The following IQCF2 variants were observed in gnomAD, a reference collection of about 807,000 sequenced individuals.
IQCF2 encodes IQ motif containing F2.
A neutral mutation model predicts 7.0 loss-of-function variants in IQCF2; 6 were observed. That is an observed-to-expected ratio of 0.86 (90% CI 0.47 to 1.70). The LOEUF (loss-of-function observed/expected upper bound fraction) is 1.70. Ranked by LOEUF, IQCF2 falls within the 40% of genes most tolerant of loss-of-function variation. The pLI, the probability that IQCF2 is intolerant of heterozygous loss-of-function variation, is 0.01. For synonymous variants in IQCF2, 67 were observed against 74.0 expected, an observed-to-expected ratio of 0.91 and a Z score of 0.48; for missense variants, 174 against 204.6, an observed-to-expected ratio of 0.85 and a Z score of 0.91.
chr3:51,863,342 A>C lies in IQCF2; in HGVS notation c.467A>C (p.Gln156Pro). Residue 156 changes from glutamine (Q) to proline (P), a missense_variant, in exon 3 of 3, where the codon CAG (glutamine) becomes CCG (proline). Gln to Pro is a moderately conservative substitution (Grantham distance 76). Transcript: ENST00000333127. ...TGTGTGGTCACAGCCACTCACCTGC[A>C]GTTCCACATTGAGATCATCAACTCC... ...GHCVVTATHL[Q>P]FHIEIINS The C allele has an allele frequency of 6.2e-7, 1 of 1,614,048 alleles. No homozygotes were observed. Among genetic ancestry groups the C allele is most frequent in the South Asian group, 1.1e-5 (1 of 91,080 alleles).
chr3:51,863,120 C>G lies in IQCF2; in HGVS notation c.245C>G (p.Ser82Trp), dbSNP rs147180778. 3.7e-6 allele frequency: 6 copies of G among 1,614,228 alleles called. No homozygotes were observed. Among genetic ancestry groups the G allele is most frequent in the Non-Finnish European group, 5.1e-6 (6 of 1,180,044 alleles). Residue 82 changes from serine (S) to tryptophan (W), a missense_variant, in exon 3 of 3, where the codon TCG becomes TGG. Coordinates refer to ENST00000333127, the MANE Select transcript of IQCF2 (RefSeq NM_203424.2). Reference protein sequence around the residue: ...IIQCWWRMTLSRVLEKKRQAA... With the variant: ...IIQCWWRMTLWRVLEKKRQAA... ...CAGTGCTGGTGGCGGATGACGCTGT[C>G]GAGGGTGCTGGAGAAGAAACGGCAG...
In IQCF2 at chr3:51,863,101, T is replaced by C; in HGVS notation, c.226T>C (p.Trp76Arg). 1 of 1,614,262 alleles carries C rather than the reference T, an allele frequency of 6.2e-7. No homozygotes were observed. Among genetic ancestry groups the C allele is most frequent in the Non-Finnish European group, 8.5e-7 (1 of 1,180,048 alleles). ...AALRAWIIQCWWRMTLSRVLE... is the reference protein window; with the variant it reads ...AALRAWIIQCRWRMTLSRVLE... Reference sequence around the variant, plus strand: ...CCTCAGGGCCTGGATAATTCAGTGCTGGTGGCGGATGACGCTGTCGAGGGT... The same window carrying C: ...CCTCAGGGCCTGGATAATTCAGTGCCGGTGGCGGATGACGCTGTCGAGGGT... The change falls in exon 3 of 3, where the codon TGG (tryptophan) becomes CGG (arginine). Residue 76 changes from tryptophan (W) to arginine (R), a missense_variant. Physicochemically the swap from Trp to Arg is moderately radical, Grantham distance 101. Transcript: ENST00000333127.
Position 51,863,251 on chromosome 3 carries a change from A to G in IQCF2, c.376A>G (p.Ile126Val). The G allele has an allele frequency of 3.7e-6, 6 of 1,614,208 alleles. No homozygotes were observed. The highest frequency in any genetic ancestry group is 3.3e-5 in the South Asian group (3 of 91,086). ...GCGATACTGCCAGGTGCTCAATGCC[A>G]TCTACATCATCCAGGGCCACTGGCA... The part of the protein sequence containing the change: ...RWRYCQVLNA[I>V]YIIQGHWQCH... The change falls in exon 3 of 3, where the codon ATC (isoleucine) becomes GTC (valine). Residue 126 changes from isoleucine (I) to valine (V), a missense_variant. By Grantham distance (29) the Ile-to-Val change is conservative (BLOSUM62 3). Coordinates refer to ENST00000333127, the MANE Select transcript of IQCF2 (RefSeq NM_203424.2).
chr3:51,861,905 C>A lies in IQCF2; in HGVS notation c.66C>A (p.Ser22Arg), dbSNP rs778912803. 1.1e-5 allele frequency: 18 copies of A among 1,613,876 alleles called. No homozygotes were observed. The highest frequency in any genetic ancestry group is 1.5e-5 in the Non-Finnish European group (18 of 1,179,912). ...ILVIIEDVEESIEWKTLQKKK... is the reference protein window; with the variant it reads ...ILVIIEDVEERIEWKTLQKKK... ...TTATAATTGAGGATGTTGAAGAAAG[C>A]ATTGAATGGAAGACATTGCAGAAGA... The change falls in exon 2 of 3, where the codon AGC (serine) becomes AGA (arginine). Residue 22 changes from serine to arginine, a missense_variant. Coordinates refer to ENST00000333127, the MANE Select transcript of IQCF2 (RefSeq NM_203424.2).
chr3:51,861,780 G>C, intron 1 of IQCF2, 78 bp from the exon 2 acceptor site: 1 of 1,571,940 alleles, frequency 6.4e-7, no homozygotes, highest in Non-Finnish European at 8.8e-7. Flanking sequence ...TGTTAAAGTA[G>C]TAATTGTCTT....
In IQCF2 at chr3:51,863,050, G is replaced by A. The variant is rs758585997; in HGVS notation, c.175G>A (p.Val59Met). Residue 59 changes from valine (V) to methionine (M), a missense_variant, in exon 3 of 3, where the codon GTG becomes ATG. Val to Met is a conservative substitution (Grantham distance 21, BLOSUM62 1). Transcript: ENST00000333127. Reference sequence around the variant, plus strand: ...CCAGGCCTGGTGGCGGGGCACCCTGGTGCGCAGGACACTGCTGCATGCAGC... The same window carrying A: ...CCAGGCCTGGTGGCGGGGCACCCTGATGCGCAGGACACTGCTGCATGCAGC... ...KIQAWWRGTL[V>M]RRTLLHAALR... is the part of the protein sequence containing the mutation. 4.7e-5 allele frequency: 76 copies of A among 1,614,092 alleles called. No individual in the cohort carries two copies. Among genetic ancestry groups the A allele is most frequent in the Non-Finnish European group, 5.9e-5 (70 of 1,180,024 alleles).
At position 51,863,393 on chromosome 3, in the gene IQCF2, G is replaced by T; in HGVS notation, c.*23G>T. ...TAAGGGCTGGCAAGAAGGGCACTGT[G>T]TCTACTGTCCCTATTAAAGGTCTAA... is the stretch of plus-strand genomic sequence containing the variant. On this transcript the variant is annotated 3_prime_UTR_variant, in exon 3 of 3. Transcript: ENST00000333127. The T allele has an allele frequency of 1.2e-6, 2 of 1,607,198 alleles. No individual in the cohort carries two copies. The highest frequency in any genetic ancestry group is 1.7e-6 in the Non-Finnish European group (2 of 1,176,648).
chr3:51,863,188 A>C lies in IQCF2; in HGVS notation c.313A>C (p.Lys105Gln). Reference sequence around the variant, plus strand: ...CGCAACCAGAGAGAGGGCAGTGATCAAGCTCCAGTCTTTGGTCCGTATGTG... The same window carrying C: ...CGCAACCAGAGAGAGGGCAGTGATCCAGCTCCAGTCTTTGGTCCGTATGTG... ...AYATRERAVI[K>Q]LQSLVRMWRV... The change falls in exon 3 of 3, where the codon AAG becomes CAG. Residue 105 changes from lysine to glutamine, a missense_variant. Coordinates refer to ENST00000333127, the MANE Select transcript of IQCF2 (RefSeq NM_203424.2). 4 of 1,614,206 alleles carry C rather than the reference A, an allele frequency of 2.5e-6. No homozygotes were observed. Among genetic ancestry groups the C allele is most frequent in the Non-Finnish European group, 3.4e-6 (4 of 1,180,036 alleles).
rs866179022 is a variant in IQCF2 at position 51,863,057 on chromosome 3, G to A, written c.182G>A (p.Arg61Lys). Residue 61 changes from arginine to lysine, a missense_variant, in exon 3 of 3, where the codon AGG becomes AAG. Arg to Lys is a conservative substitution (Grantham distance 26). Transcript: ENST00000333127. ...TGGTGGCGGGGCACCCTGGTGCGCA[G>A]GACACTGCTGCATGCAGCCCTCAGG... ...QAWWRGTLVR[R>K]TLLHAALRAW... The A allele has an allele frequency of 1.2e-6, 2 of 1,614,252 alleles. No individual in the cohort carries two copies. The highest frequency in any genetic ancestry group is 1.7e-6 in the Non-Finnish European group (2 of 1,180,052).
Position 51,863,006 on chromosome 3 carries a change from C to T in IQCF2, c.131C>T (p.Thr44Ile). 1 of 1,609,444 alleles carries T rather than the reference C, an allele frequency of 6.2e-7. No homozygotes were observed. Residue 44 changes from threonine to isoleucine, a missense_variant, in exon 3 of 3, where the codon ACA (threonine) becomes ATA (isoleucine). Physicochemically the swap from Thr to Ile is moderately conservative, Grantham distance 89. Transcript: ENST00000333127. ...QKIKEKLRIR[T>I]KAAVKIQAWW... ...GCCTAGGAAAAACTTAGAATAAGAA[C>T]AAAAGCAGCTGTAAAGATCCAGGCC...
intron 2 of IQCF2, among the ~76,000 whole-genome samples, chr3:51,862,385 A>G (rs1698648012): frequency 7.2e-6 from 1 of 139,458 alleles, no homozygotes; most frequent in African/African-American, 2.7e-5. Flanking sequence ...CCTGGGCAAC[A>G]GAGCGAGACT....
intron 2 of IQCF2, 129 bp from the exon 3 acceptor site, chr3:51,862,858 G>T (rs1411384124): frequency 2.2e-5 from 25 of 1,139,592 alleles, no homozygotes; most frequent in Non-Finnish European, 3.1e-5. Context: ...CCTAGTCAGT[G>T]TCCTGCTAAC....
At chr3:51,862,654 A>T (rs1347869962) in intron 2 of IQCF2, among the ~76,000 whole-genome samples, 1 of 152,214 alleles carries the variant, frequency 6.6e-6, no homozygotes, top group South Asian at 2.1e-4. Flanking sequence ...AGGCCTTTCC[A>T]AACCCAGTGA....
intron 2 of IQCF2, among the ~76,000 whole-genome samples, chr3:51,862,363 A>C (rs1186746650): frequency 1.4e-5 from 2 of 139,560 alleles, no homozygotes; most frequent in African/African-American, 2.6e-5. Flanking sequence ...AGATCACGCC[A>C]CTGCACTCCA....
At chr3:51,862,011 G>A (rs1698643090) in intron 2 of IQCF2, 61 bp downstream of exon 2, 1 of 1,245,584 alleles carries the variant, frequency 8.0e-7, no homozygotes, top group African/African-American at 1.5e-5. Context: ...ATCATAAGGT[G>A]TAGGACTTTG....
chr3:51,861,724 G>A, intron 1 of IQCF2, 40 bp downstream of exon 1: 1 of 1,612,348 alleles, frequency 6.2e-7, no homozygotes, highest in Non-Finnish European at 8.5e-7. Context: ...GACCAGGAAT[G>A]GGTGGGTATC....
chr3:51,862,041 C>T, intron 2 of IQCF2, 91 bp downstream of exon 2: 1 of 882,300 alleles, frequency 1.1e-6, no homozygotes, highest in African/African-American at 1.7e-5. Flanking sequence ...AATCCAGGGT[C>T]TAATTAGGAG....
At chr3:51,862,958 T>A (rs1428775189) in intron 2 of IQCF2, 29 bp from the exon 3 acceptor site, 2 of 1,567,826 alleles carry the variant, frequency 1.3e-6, no homozygotes, top group Non-Finnish European at 1.7e-6. Context: ...CAGGAAGTTT[T>A]CTGACTGATC....
Position 51,863,257 on chromosome 3 carries a change from A to G in IQCF2, c.382A>G (p.Ile128Val). 6.2e-7 allele frequency: 1 copy of G among 1,614,218 alleles called. No individual in the cohort carries two copies. Among genetic ancestry groups the G allele is most frequent in the Non-Finnish European group, 8.5e-7 (1 of 1,180,044 alleles). ...CTGCCAGGTGCTCAATGCCATCTACATCATCCAGGGCCACTGGCAATGCCA... is the reference window on the plus strand; with the variant it reads ...CTGCCAGGTGCTCAATGCCATCTACGTCATCCAGGGCCACTGGCAATGCCA... ...RYCQVLNAIY[I>V]IQGHWQCHNC... Residue 128 changes from isoleucine (I) to valine (V), a missense_variant, in exon 3 of 3, where the codon ATC becomes GTC. Ile to Val is a conservative substitution (Grantham distance 29). Coordinates refer to ENST00000333127, the MANE Select transcript of IQCF2 (RefSeq NM_203424.2).
Sources: gnomAD v4.1 joint callset for allele counts (sites outside exome capture counted in the v4.1 genomes callset) on GRCh38, gnomAD v4.1.1 for gene constraint, MANE v1.5 for transcripts, NCBI Gene and HGNC (gene_info 2026-07-23, HGNC 2026-07-21) for gene names.